The following ITIH5 variants were observed in gnomAD, a reference collection of about 807,000 sequenced individuals.
The protein encoded by ITIH5 is inter-alpha-trypsin inhibitor heavy chain 5.
ITIH5 carries 65 observed loss-of-function variants against 77.5 expected under a neutral mutation model. That is an observed-to-expected ratio of 0.84 (90% CI 0.69 to 1.03). The LOEUF is 1.03. Ranked by LOEUF, ITIH5 falls within the 50% of genes least tolerant of loss-of-function variation. The probability of loss-of-function intolerance (pLI) is 0.00; values close to 1 mark genes in which losing one functional copy is unlikely to be tolerated. For synonymous variants in ITIH5, 525 were observed against 494.3 expected (o/e 1.06, Z -0.82); for missense variants, 1,208 against 1,213.1 (o/e 1.00, Z 0.06).
intron 10 of ITIH5, among the ~76,000 whole-genome samples, chr10:7,574,815 C>A (rs199963378): frequency 2.0e-4 from 28 of 139,090 alleles, no homozygotes; most frequent in East Asian, 8.2e-4. Flanking sequence ...AAAAAAAAAG[C>A]AAAAAAAAAC....
intron 1 of ITIH5, among the ~76,000 whole-genome samples, chr10:7,662,615 G>A (rs958598271): frequency 1.3e-5 from 2 of 152,202 alleles, no homozygotes; most frequent in African/African-American, 4.8e-5. Context: ...AGGACTTGGG[G>A]AAAGTGCTAG....
In ITIH5 at chr10:7,584,310, C is replaced by CT. The variant is rs148774385; in HGVS notation, c.1108+1590dup. ...CATTTTCTTTCTTTCTTTTTTTTTT[C>CT]TTTTTTTTTTTTTGAGACAGAGTCT... On this transcript the variant is annotated intron_variant, in intron 8 of 13. Coordinates refer to ENST00000397146, the MANE Select transcript of ITIH5 (RefSeq NM_030569.7). Among the ~76,000 whole-genome samples, 364 of 127,168 alleles carry CT rather than the reference C, an allele frequency of 2.9e-3. 7 individuals carry two copies. The highest frequency in any genetic ancestry group is 0.018 in the South Asian group (70 of 3,802). The allele number at this position is 127,168 out of a possible 152,430, so 83.4% of individuals were successfully genotyped here.
chr10:7,599,461 T>A (rs189796680), intron 7 of ITIH5, among the ~76,000 whole-genome samples: 46 of 152,328 alleles, frequency 3.0e-4, no homozygotes, highest in African/African-American at 1.1e-3. Flanking sequence ...GAGTTCTTGG[T>A]TTCTCACTCC....
At chr10:7,639,184 G>A (rs1588419833) in intron 4 of ITIH5, among the ~76,000 whole-genome samples, 1 of 152,308 alleles carries the variant, frequency 6.6e-6, no homozygotes, top group Middle Eastern at 3.4e-3. Flanking sequence ...GAGGCACGAT[G>A]AGGCAACTCA....
intron 12 of ITIH5, among the ~76,000 whole-genome samples, chr10:7,568,289 A>G (rs1004480017): frequency 3.9e-5 from 6 of 152,312 alleles, no homozygotes; most frequent in African/African-American, 1.4e-4. Context: ...CTTCTTAGAC[A>G]TTCAAGGAAA....
At chr10:7,624,793 AAAAAAATAT>A in intron 5 of ITIH5, among the ~76,000 whole-genome samples, 1 of 118,120 alleles carries the variant, frequency 8.5e-6, no homozygotes, top group Non-Finnish European at 1.7e-5. Flanking sequence ...CTAAAAAAAA[AAAAAAATAT>A]ATATATATAT....
At chr10:7,665,827 T>C (rs1488106180) in intron 1 of ITIH5, among the ~76,000 whole-genome samples, 1 of 152,184 alleles carries the variant, frequency 6.6e-6, no homozygotes, top group African/African-American at 2.4e-5. Flanking sequence ...TCCTGGGATT[T>C]TATTAGCTAC....
Position 7,641,992 on chromosome 10 carries a change from A to G in ITIH5, c.234T>C (p.Ser78=), listed in dbSNP as rs779347486. 6.2e-7 allele frequency: 1 copy of G among 1,614,184 alleles called. No homozygotes were observed. The highest frequency in any genetic ancestry group is 1.1e-5 in the South Asian group (1 of 91,082). The change falls in exon 3 of 14, where the codon TCT becomes TCC. Residue 78 remains serine (S), a synonymous_variant. Transcript: ENST00000397146. ...TCTGGAACTCAATGTCCTGGTCTTC[A>G]GAAGCTCTGTTCAGCATTCTGCAGG... is the stretch of plus-strand genomic sequence containing the variant. ...TVSCRMLNRA[S]EDQDIEFQMQ...
chr10:7,609,512 C>T (rs1283366942), intron 7 of ITIH5: 3 of 454,864 alleles, frequency 6.6e-6, no homozygotes, highest in Non-Finnish European at 1.3e-5. Context: ...ATAAAGTAAG[C>T]CTGTGAGTGA....
intron 11 of ITIH5, 113 bp downstream of exon 11, chr10:7,573,029 C>T (rs1358781336): frequency 2.0e-5 from 19 of 938,618 alleles, no homozygotes; most frequent in South Asian, 5.7e-5. Flanking sequence ...ACACCCACCT[C>T]GGCCTCCCAA....
intron 8 of ITIH5, among the ~76,000 whole-genome samples, chr10:7,582,473 G>T: frequency 6.6e-6 from 1 of 151,682 alleles, no homozygotes; most frequent in African/African-American, 2.4e-5. Context: ...TTTTAAAATG[G>T]CTTAAGATAA....
At chr10:7,635,537 G>C (rs1204061958) in intron 5 of ITIH5, among the ~76,000 whole-genome samples, 1 of 152,132 alleles carries the variant, frequency 6.6e-6, no homozygotes, top group Non-Finnish European at 1.5e-5. Context: ...CTAGATACCA[G>C]CTAGATCTGG....
chr10:7,624,857 G>GTATATACATGTATATACACA, intron 5 of ITIH5, among the ~76,000 whole-genome samples: 6 of 56,126 alleles, frequency 1.1e-4, no homozygotes, highest in East Asian at 7.1e-4. Context: ...ATATATATGT[G>GTATATACATGTATATACACA]TATATATGTA....
chr10:7,576,737 T>C lies in ITIH5; in HGVS notation c.1694A>G (p.Asp565Gly). ...DVTGSPRPGG[D>G]GEGDTNHIER... Reference sequence around the variant, plus strand: ...GATGTGGTTGGTGTCCCCCTCTCCATCGCCTCCAGGCCTGGGGCTTCCTGT... The same window carrying C: ...GATGTGGTTGGTGTCCCCCTCTCCACCGCCTCCAGGCCTGGGGCTTCCTGT... The change falls in exon 10 of 14, where the codon GAT becomes GGT. Residue 565 changes from aspartate to glycine, a missense_variant. Coordinates refer to ENST00000397146, the MANE Select transcript of ITIH5 (RefSeq NM_030569.7). 6.2e-7 allele frequency: 1 copy of C among 1,613,834 alleles called. No homozygotes were observed. The highest frequency in any genetic ancestry group is 1.3e-5 in the African/African-American group (1 of 74,910).
rs557385029 is a variant in ITIH5 at position 7,586,914 on chromosome 10, T to A, written c.940-845A>T. On this transcript the variant is annotated intron_variant, in intron 7 of 13. Coordinates refer to ENST00000397146, the MANE Select transcript of ITIH5 (RefSeq NM_030569.7). ...GGCGCGATCTCAGCTCACTGCAACC[T>A]CTGCCTCCCAGGTTCAAGCGATTCT... 7.2e-5 allele frequency among the ~76,000 whole-genome samples: 11 copies of A among 152,210 alleles called. No individual in the cohort carries two copies. In the East Asian group the frequency reaches 2.1e-3, roughly 29 times the overall value.
At chr10:7,590,487 G>C (rs11255216) in intron 7 of ITIH5, among the ~76,000 whole-genome samples, 5 of 152,166 alleles carry the variant, frequency 3.3e-5, no homozygotes, top group African/African-American at 4.8e-5. Flanking sequence ...AACATCCCCG[G>C]CTGTGTGCGT....
At chr10:7,628,835 CCCTGTTGTAGCGT>C (rs1833640972) in intron 5 of ITIH5, among the ~76,000 whole-genome samples, 1 of 133,272 alleles carries the variant, frequency 7.5e-6, no homozygotes, top group Non-Finnish European at 1.8e-5. Flanking sequence ...TAGCGTGTGT[CCCTGTTGTAGCGT>C]GTGTCCCTGT....
intron 13 of ITIH5, among the ~76,000 whole-genome samples, chr10:7,564,851 A>T (rs1449656474): frequency 1.3e-5 from 2 of 151,084 alleles, no homozygotes; most frequent in Non-Finnish European, 3.0e-5. Flanking sequence ...ACATACATAT[A>T]TACATACATA....
intron 2 of ITIH5, among the ~76,000 whole-genome samples, chr10:7,644,774 T>C (rs1468761257): frequency 7.0e-6 from 1 of 142,392 alleles, no homozygotes; most frequent in African/African-American, 2.6e-5. Flanking sequence ...ATATATCATA[T>C]ATATCACATA....
Sources: gnomAD v4.1 joint callset for allele counts (sites outside exome capture counted in the v4.1 genomes callset) on GRCh38, gnomAD v4.1.1 for gene constraint, MANE v1.5 for transcripts, NCBI Gene and HGNC (gene_info 2026-07-23, HGNC 2026-07-21) for gene names.